The following POGLUT3 variants were observed in gnomAD, a reference collection of about 807,000 sequenced individuals.
The protein encoded by POGLUT3 is KDEL (Lys-Asp-Glu-Leu) containing 2.
Under a neutral mutation model 54.3 loss-of-function variants are expected in POGLUT3, and 48 were observed. That is an observed-to-expected ratio of 0.88 (90% confidence interval 0.70 to 1.12). The LOEUF is 1.12. Ranked by LOEUF, POGLUT3 falls within the 50% of genes most tolerant of loss-of-function variation. The pLI is 0.00. For missense variants in POGLUT3, 629 were observed against 618.7 expected, an observed-to-expected ratio of 1.02 and a Z score of -0.18; for synonymous variants, 218 against 237.4, an observed-to-expected ratio of 0.92 and a Z score of 0.75.
intron 3 of POGLUT3, among the ~76,000 whole-genome samples, chr11:108,483,355 G>A (rs1306495653): frequency 6.6e-6 from 1 of 152,032 alleles, no homozygotes; most frequent in Non-Finnish European, 1.5e-5. Context: ...ATTTAACTTG[G>A]CAGTCTCCTT....
chr11:108,489,786 A>T (rs2093609846), intron 2 of POGLUT3, among the ~76,000 whole-genome samples: 1 of 152,110 alleles, frequency 6.6e-6, no homozygotes, highest in Non-Finnish European at 1.5e-5. Flanking sequence ...AAACAAAAAA[A>T]TATTTTTTAA....
In POGLUT3 at chr11:108,498,306, C is replaced by T; in HGVS notation, c.61G>A (p.Gly21Arg). ...QLRLALLVAA[G>R]APEVLVSAPR... ...GCGCTGACCAGCACCTCCGGGGCCCCCGCGGCCACCAGCAGGGCGAGGCGC... is the reference window on the plus strand; with the variant it reads ...GCGCTGACCAGCACCTCCGGGGCCCTCGCGGCCACCAGCAGGGCGAGGCGC... The change falls in exon 1 of 8, where the codon GGG becomes AGG. Residue 21 changes from glycine to arginine, a missense_variant. Physicochemically the swap from Gly to Arg is moderately radical, Grantham distance 125 (BLOSUM62 -2). Coordinates refer to ENST00000323468, the MANE Select transcript of POGLUT3 (RefSeq NM_153705.5). 1 of 1,453,310 alleles carries T rather than the reference C, an allele frequency of 6.9e-7. No individual in the cohort carries two copies. The highest frequency in any genetic ancestry group is 9.1e-7 in the Non-Finnish European group (1 of 1,099,588). 90.0% of individuals were successfully genotyped at this position (1,453,310 alleles called of 1,614,324 possible). A position where few individuals can be genotyped will look rare whatever the true frequency, so the allele number is the denominator to read the frequency against.
Position 108,472,567 on chromosome 11 carries a change from T to A in POGLUT3, c.*2260A>T, listed in dbSNP as rs531159602. ...TTTTTTGAGGGATTCCACCTTTTTT[T>A]AAAGCACATCCTTCCTGTTCCACAC... On this transcript the variant is annotated 3_prime_UTR_variant, in exon 8 of 8. Transcript: ENST00000323468. The A allele has an allele frequency of 3.0e-4, 46 of 152,348 alleles. No homozygotes were observed. Among genetic ancestry groups the A allele is most frequent in the Middle Eastern group, 3.4e-3 (1 of 294 alleles). The allele number at this position is 152,348 out of a possible 1,614,324, so 9.4% of individuals were successfully genotyped here.
chr11:108,478,272 C>T (rs1259862353), intron 6 of POGLUT3: 1 of 152,980 alleles, frequency 6.5e-6, no homozygotes, highest in African/African-American at 2.4e-5. Context: ...ATGTTTGGCC[C>T]CTCTTCCACA....
chr11:108,486,561 C>T, intron 2 of POGLUT3, 121 bp from the exon 3 acceptor site: 1 of 979,878 alleles, frequency 1.0e-6, no homozygotes, highest in Non-Finnish European at 1.5e-6. Flanking sequence ...CTGCCCTAGA[C>T]AAATCAGTGG....
rs776666153 is a variant in POGLUT3, at chr11:108,498,324, C to T, written c.43G>A (p.Ala15Thr). The T allele has an allele frequency of 1.4e-6, 2 of 1,406,534 alleles. No homozygotes were observed. Among genetic ancestry groups the T allele is most frequent in the East Asian group, 3.1e-5 (1 of 31,966 alleles). The allele number at this position is 1,406,534 out of a possible 1,614,324, so 87.1% of individuals were successfully genotyped here. A position where few individuals can be genotyped will look rare whatever the true frequency, so the allele number is the denominator to read the frequency against. ...GGGGCCCCCGCGGCCACCAGCAGGG[C>T]GAGGCGCAGCTGCAGCAGCAGGGCC... ...PRALLLQLRL[A>T]LLVAAGAPEV... The change falls in exon 1 of 8, where the codon GCC (alanine) becomes ACC (threonine). Residue 15 changes from alanine (A) to threonine (T), a missense_variant. Coordinates refer to ENST00000323468, the MANE Select transcript of POGLUT3 (RefSeq NM_153705.5).
At position 108,479,361 on chromosome 11, in the gene POGLUT3, C is replaced by T; in HGVS notation, c.1233G>A (p.Lys411=). ...EHFYMALEPW[K]HYVPIKRNLS... is the part of the protein sequence containing the mutation. ...GATTTCTTTTAATTGGAACATAATG[C>T]TTCCAAGGTTCTAGTGCCATGTAGA... Residue 411 remains lysine, a synonymous_variant, in exon 6 of 8, where the codon AAG becomes AAA. Coordinates refer to ENST00000323468, the MANE Select transcript of POGLUT3 (RefSeq NM_153705.5). 6.2e-7 allele frequency: 1 copy of T among 1,612,548 alleles called. No homozygotes were observed. Among genetic ancestry groups the T allele is most frequent in the Non-Finnish European group, 8.5e-7 (1 of 1,179,620 alleles).
At chr11:108,488,248 C>T (rs969003279) in intron 2 of POGLUT3, among the ~76,000 whole-genome samples, 1 of 152,064 alleles carries the variant, frequency 6.6e-6, no homozygotes. Flanking sequence ...TGGTCTCGAA[C>T]TCCTGACCTC....
At chr11:108,495,138 A>AAT (rs2093620023) in intron 1 of POGLUT3, among the ~76,000 whole-genome samples, 1 of 152,220 alleles carries the variant, frequency 6.6e-6, no homozygotes, top group African/African-American at 2.4e-5. Context: ...TGGGAGTGAT[A>AAT]ATAAGGGAAA....
Position 108,486,304 on chromosome 11 carries a change from T to C in POGLUT3, c.537A>G (p.Leu179=). The C allele has an allele frequency of 6.2e-7, 1 of 1,614,192 alleles. No individual in the cohort carries two copies. Among genetic ancestry groups the C allele is most frequent in the South Asian group, 1.1e-5 (1 of 91,086 alleles). ...SFPSINLQQM[L]KEVPKRFGDE... ...CCCCAAACCTTTTGGGGACTTCTTT[T>C]AGCATTTGCTGGAGATTGATGCTGG... Residue 179 remains leucine (L), a synonymous_variant, in exon 3 of 8, where the codon CTA becomes CTG. Coordinates refer to ENST00000323468, the MANE Select transcript of POGLUT3 (RefSeq NM_153705.5).
At chr11:108,490,861 C>A in intron 2 of POGLUT3, 109 bp downstream of exon 2, 1 of 687,938 alleles carries the variant, frequency 1.5e-6, no homozygotes, top group Admixed American at 2.6e-5. Context: ...GGTATGTATA[C>A]AATGTTTACT....
In POGLUT3 at chr11:108,498,265, C is replaced by A; in HGVS notation, c.102G>T (p.Val34=). ...EVLVSAPRSL[V]WGPGLQAAVV... Reference sequence around the variant, plus strand: ...CGGCCGCCTGCAGCCCGGGCCCCCACACCAGGCTCCGCGGCGCGCTGACCA... The same window carrying A: ...CGGCCGCCTGCAGCCCGGGCCCCCAAACCAGGCTCCGCGGCGCGCTGACCA... Residue 34 remains valine, a synonymous_variant, in exon 1 of 8, where the codon GTG becomes GTT. Transcript: ENST00000323468. The A allele has an allele frequency of 6.7e-7, 1 of 1,497,078 alleles. No homozygotes were observed. Among genetic ancestry groups the A allele is most frequent in the Non-Finnish European group, 8.9e-7 (1 of 1,123,524 alleles). 92.7% of individuals were successfully genotyped at this position (1,497,078 alleles called of 1,614,324 possible). A position where few individuals can be genotyped will look rare whatever the true frequency, so the allele number is the denominator to read the frequency against.
At chr11:108,482,578 C>T (rs1245625582) in intron 3 of POGLUT3, among the ~76,000 whole-genome samples, 1 of 152,004 alleles carries the variant, frequency 6.6e-6, no homozygotes, top group African/African-American at 2.4e-5. Context: ...GAAACCCTGT[C>T]TCTACTAAAC....
At chr11:108,484,113 T>G (rs541317328) in intron 3 of POGLUT3, among the ~76,000 whole-genome samples, 3 of 152,122 alleles carry the variant, frequency 2.0e-5, no homozygotes, top group Non-Finnish European at 2.9e-5. Context: ...CTTTGCACTG[T>G]AGGATGCTTA....
intron 5 of POGLUT3, 74 bp from the exon 6 acceptor site, chr11:108,479,569 T>C: frequency 1.9e-6 from 2 of 1,026,532 alleles, no homozygotes; most frequent in Admixed American, 5.8e-5. Flanking sequence ...ATCAACACTG[T>C]AATACCAACT....
At position 108,477,640 on chromosome 11, in the gene POGLUT3, G is replaced by C; in HGVS notation, c.1365C>G (p.His455Gln). The C allele has an allele frequency of 6.2e-7, 1 of 1,612,550 alleles. No homozygotes were observed. Among genetic ancestry groups the C allele is most frequent in the Non-Finnish European group, 8.5e-7 (1 of 1,178,560 alleles). Reference protein sequence around the residue: ...QLMARDLLQPHRLYCYYYQVL... With the variant: ...QLMARDLLQPQRLYCYYYQVL... ...CTTGGTAATAGTAGCAGTAAAGCCTGTGTGGCTGTAGTAGGTCCCTAGCCA... is the reference window on the plus strand; with the variant it reads ...CTTGGTAATAGTAGCAGTAAAGCCTCTGTGGCTGTAGTAGGTCCCTAGCCA... Residue 455 changes from histidine to glutamine, a missense_variant, in exon 7 of 8, where the codon CAC becomes CAG. By Grantham distance (24) the His-to-Gln change is conservative. Transcript: ENST00000323468.
chr11:108,480,790 C>T (rs1007068936), intron 5 of POGLUT3, among the ~76,000 whole-genome samples: 2 of 151,948 alleles, frequency 1.3e-5, no homozygotes, highest in Non-Finnish European at 2.9e-5. Context: ...CTAATCCCAA[C>T]TCCCACTTTA....
intron 1 of POGLUT3, among the ~76,000 whole-genome samples, chr11:108,495,357 A>G (rs2093620487): frequency 1.3e-5 from 2 of 152,160 alleles, no homozygotes; most frequent in Admixed American, 1.3e-4. Context: ...TTTTTTTGGT[A>G]GATGGGTTTT....
In POGLUT3 at chr11:108,472,410, C is replaced by T. The variant is rs943461620; in HGVS notation, c.*2417G>A. 2.6e-5 allele frequency: 4 copies of T among 152,162 alleles called. No individual in the cohort carries two copies. Among genetic ancestry groups the T allele is most frequent in the Non-Finnish European group, 1.5e-5 (1 of 68,036 alleles). 9.4% of individuals were successfully genotyped at this position (152,162 alleles called of 1,614,324 possible). A position where few individuals can be genotyped will look rare whatever the true frequency, so the allele number is the denominator to read the frequency against. On this transcript the variant is annotated 3_prime_UTR_variant, in exon 8 of 8. Transcript: ENST00000323468. ...TCCTCAGATATTGGTGAATCTCCTC[C>T]CAAACTTTCAACCACATAGATGCAT...
Sources: allele counts gnomAD v4.1 joint callset (sites outside exome capture counted in the v4.1 genomes callset), GRCh38; gene constraint gnomAD v4.1.1; transcripts MANE v1.5; gene names NCBI Gene and HGNC (gene_info 2026-07-23, HGNC 2026-07-21).